ANXA7: variants seen among roughly 807,000 people sequenced by gnomAD.
ANXA7 encodes the protein annexin A7.
In ANXA7, 55 loss-of-function variants were observed where a neutral mutation model predicts 64.9. The ratio of observed to expected loss-of-function variants is 0.85; its 90% CI spans 0.68 to 1.06. The LOEUF (loss-of-function observed/expected upper bound fraction) is 1.06, where lower values mean the gene tolerates loss of function less well. Ranked by LOEUF, ANXA7 falls within the 50% of genes least tolerant of loss-of-function variation. ANXA7 has a pLI of 0.00. For synonymous variants in ANXA7, 200 were observed against 192.4 expected (o/e 1.04, Z -0.33); for missense variants, 548 against 582.1 (o/e 0.94, Z 0.60).
At chr10:73,408,333 A>C (rs935703788) in intron 1 of ANXA7, 1 of 152,036 alleles carries the variant, frequency 6.6e-6, no homozygotes, top group Non-Finnish European at 1.5e-5. Context: ...AAGAAAAAAA[A>C]AAAGAAAGAA....
At chr10:73,386,162 G>A (rs775532757) in intron 7 of ANXA7, among the ~76,000 whole-genome samples, 9 of 150,406 alleles carry the variant, frequency 6.0e-5, no homozygotes, top group South Asian at 4.2e-4. Context: ...TGCAGTGAGC[G>A]GAGATCATGC....
At chr10:73,397,840 T>A (rs1324109982) in intron 3 of ANXA7, among the ~76,000 whole-genome samples, 1 of 152,218 alleles carries the variant, frequency 6.6e-6, no homozygotes, top group Non-Finnish European at 1.5e-5. Context: ...GGGTCTTTTT[T>A]ACCTTTGAAT....
At chr10:73,377,773 G>GTGTGTGTGTGTGTGT (rs2055200570) in intron 12 of ANXA7, among the ~76,000 whole-genome samples, 2 of 124,848 alleles carry the variant, frequency 1.6e-5, no homozygotes, top group Admixed American at 7.8e-5. Flanking sequence ...GGTGGGTGTG[G>GTGTGTGTGTGTGTGT]GTGTGTGTGT....
chr10:73,398,702 A>AT (rs2055615536), intron 2 of ANXA7, among the ~76,000 whole-genome samples: 1 of 151,940 alleles, frequency 6.6e-6, no homozygotes, highest in African/African-American at 2.4e-5. Flanking sequence ...CAGTTCCTTC[A>AT]TTTTCCCAGC....
At chr10:73,397,325 GA>G (rs1392240879) in intron 3 of ANXA7, 51 bp from the exon 4 acceptor site, 1 of 1,176,028 alleles carries the variant, frequency 8.5e-7, no homozygotes, top group East Asian at 2.5e-5. Flanking sequence ...CATGATTGCA[GA>G]AAAAACTTTA....
chr10:73,412,596 C>T (rs1269242457), intron 1 of ANXA7, among the ~76,000 whole-genome samples: 2 of 149,498 alleles, frequency 1.3e-5, no homozygotes, highest in Admixed American at 6.7e-5. Flanking sequence ...CGGGTTCAAG[C>T]GACTCTCCTG....
chr10:73,403,214 A>G (rs1204536818), intron 1 of ANXA7, among the ~76,000 whole-genome samples: 1 of 152,232 alleles, frequency 6.6e-6, no homozygotes, highest in Non-Finnish European at 1.5e-5. Flanking sequence ...TAGGCCAGGC[A>G]CAGCGGCTCA....
intron 1 of ANXA7, among the ~76,000 whole-genome samples, chr10:73,405,078 T>TA (rs962757020): frequency 1.3e-3 from 193 of 151,798 alleles, no homozygotes; most frequent in Admixed American, 4.2e-3. Flanking sequence ...CCCATCTCTA[T>TA]AAAAAATCCA....
intron 1 of ANXA7, among the ~76,000 whole-genome samples, chr10:73,412,048 CTTTTTTT>C (rs1353665825): frequency 6.6e-6 from 1 of 151,682 alleles, no homozygotes; most frequent in Non-Finnish European, 1.5e-5. Flanking sequence ...TTTCTTTTTT[CTTTTTTT>C]GAGATGGAGT....
At chr10:73,382,351 CTTTTTT>C (rs919514091) in intron 9 of ANXA7, among the ~76,000 whole-genome samples, 3 of 151,322 alleles carry the variant, frequency 2.0e-5, no homozygotes, top group Non-Finnish European at 3.0e-5. Context: ...TTTTTCTTTT[CTTTTTT>C]TTAAGGACAG....
intron 1 of ANXA7, among the ~76,000 whole-genome samples, chr10:73,412,795 C>CTTTTTTTTTTTTTTTTTTTTTTTT (rs55814659): frequency 7.6e-6 from 1 of 131,626 alleles, no homozygotes; most frequent in African/African-American, 2.8e-5. Flanking sequence ...CGCGCTCGGG[C>CTTTTTTTTTTTTTTTTTTTTTTTT]TTTTTTTTTT....
In ANXA7 at chr10:73,398,518, C is replaced by T. The variant is rs1489729456; in HGVS notation, c.55-133G>A. 3.8e-6 allele frequency: 3 copies of T among 797,256 alleles called. No individual in the cohort carries two copies. In the African/African-American group the frequency reaches 5.2e-5, roughly 14 times the overall value. The allele number at this position is 797,256 out of a possible 1,614,324, so 49.4% of individuals were successfully genotyped here. A position where few individuals can be genotyped will look rare whatever the true frequency, so the allele number is the denominator to read the frequency against. ...ACTTTTTAAAAGTCCCATTAGAAAT[C>T]CTGGTATCTTATACTAGTTTATCAG... On this transcript the variant is annotated intron_variant, in intron 2 of 12. Transcript: ENST00000372921.
chr10:73,386,440 A>C (rs1453238020), intron 7 of ANXA7, among the ~76,000 whole-genome samples: 1 of 152,194 alleles, frequency 6.6e-6, no homozygotes, highest in Non-Finnish European at 1.5e-5. Flanking sequence ...GTGGGCCGTG[A>C]GATTAGTAAT....
intron 2 of ANXA7, among the ~76,000 whole-genome samples, chr10:73,398,800 T>C (rs1020681124): frequency 6.6e-6 from 1 of 152,152 alleles, no homozygotes; most frequent in Non-Finnish European, 1.5e-5. Flanking sequence ...TGTTACATAA[T>C]ATTTAAAAAT....
chr10:73,400,883 C>A, intron 1 of ANXA7, 26 bp from the exon 2 acceptor site: 1 of 1,570,696 alleles, frequency 6.4e-7, no homozygotes, highest in Non-Finnish European at 8.7e-7. Context: ...AAAATGTCCT[C>A]TGTAAGTTTT....
chr10:73,406,261 C>G (rs1179020921), intron 1 of ANXA7, among the ~76,000 whole-genome samples: 1 of 151,956 alleles, frequency 6.6e-6, no homozygotes, highest in African/African-American at 2.4e-5. Flanking sequence ...CGGCCAAAAC[C>G]AGTGTTTTTC....
At chr10:73,391,165 T>C (rs2055475588) in intron 5 of ANXA7, among the ~76,000 whole-genome samples, 1 of 142,040 alleles carries the variant, frequency 7.0e-6, no homozygotes, top group Non-Finnish European at 1.5e-5. Context: ...TGAGACTCTG[T>C]CTCTTAAAAA....
intron 5 of ANXA7, among the ~76,000 whole-genome samples, chr10:73,393,264 G>A (rs543901273): frequency 6.3e-4 from 96 of 152,244 alleles, no homozygotes; most frequent in Non-Finnish European, 7.6e-4. Context: ...AATCAATATC[G>A]TGAAAATGGC....
intron 3 of ANXA7, among the ~76,000 whole-genome samples, chr10:73,397,658 A>G (rs2055597810): frequency 6.6e-6 from 1 of 152,124 alleles, no homozygotes; most frequent in Non-Finnish European, 1.5e-5. Flanking sequence ...GGGTTTCACC[A>G]TGTTGGCCAA....
Sources: gnomAD v4.1 joint callset for allele counts (sites outside exome capture counted in the v4.1 genomes callset) on GRCh38, gnomAD v4.1.1 for gene constraint, MANE v1.5 for transcripts, NCBI Gene and HGNC (gene_info 2026-07-23, HGNC 2026-07-21) for gene names.